The following CDKAL1 variants were observed in gnomAD, a reference collection of about 807,000 sequenced individuals.
CDKAL1 encodes the protein CDKAL1 threonylcarbamoyladenosine tRNA methylthiotransferase.
CDKAL1 carries 32 observed loss-of-function variants against 68.2 expected under a neutral mutation model. The observed-to-expected ratio is 0.47, with a 90% CI of 0.35 to 0.63. CDKAL1 has a LOEUF of 0.63. Ranked by LOEUF, CDKAL1 falls within the 30% of genes least tolerant of loss-of-function variation. The pLI, the probability that CDKAL1 is intolerant of heterozygous loss-of-function variation, is 0.00. For missense variants in CDKAL1, 606 were observed against 696.7 expected, an observed-to-expected ratio of 0.87 and a Z score of 1.47; for synonymous variants, 234 against 244.3, an observed-to-expected ratio of 0.96 and a Z score of 0.39.
At chr6:21,029,658 G>T (rs2150875166) in intron 11 of CDKAL1, among the ~76,000 whole-genome samples, 1 of 152,204 alleles carries the variant, frequency 6.6e-6, no homozygotes, top group African/African-American at 2.4e-5. Context: ...CCATCAGAAA[G>T]TGGGCGAAGG....
chr6:20,537,949 A>T (rs570549724), intron 2 of CDKAL1, among the ~76,000 whole-genome samples: 3 of 152,194 alleles, frequency 2.0e-5, no homozygotes, highest in Admixed American at 6.5e-5. Flanking sequence ...GATGAGTGAG[A>T]TTATTTAGGT....
intron 8 of CDKAL1, among the ~76,000 whole-genome samples, chr6:20,794,245 T>C (rs538106409): frequency 1.3e-5 from 2 of 152,256 alleles, no homozygotes; most frequent in East Asian, 3.9e-4. Flanking sequence ...TTTTTTGGTA[T>C]AGTAGGTGAG....
At chr6:20,935,421 G>A (rs1283461675) in intron 9 of CDKAL1, among the ~76,000 whole-genome samples, 1 of 149,792 alleles carries the variant, frequency 6.7e-6, no homozygotes, top group Non-Finnish European at 1.5e-5. Flanking sequence ...GTATGGTGTG[G>A]AAAATTAGAC....
intron 11 of CDKAL1, among the ~76,000 whole-genome samples, chr6:21,038,907 C>T (rs960144962): frequency 7.9e-5 from 12 of 152,214 alleles, no homozygotes; most frequent in African/African-American, 2.4e-4. Flanking sequence ...GTATATCTAA[C>T]GCTGATTTCA....
chr6:20,700,444 A>G (rs1415478473), intron 5 of CDKAL1, among the ~76,000 whole-genome samples: 1 of 152,202 alleles, frequency 6.6e-6, no homozygotes, highest in Non-Finnish European at 1.5e-5. Context: ...TTTGAAAAGG[A>G]GTACATTTAA....
chr6:20,747,000 C>T (rs1773691181), intron 6 of CDKAL1, among the ~76,000 whole-genome samples: 1 of 152,068 alleles, frequency 6.6e-6, no homozygotes, highest in African/African-American at 2.4e-5. Context: ...TTTTTCTCCC[C>T]CTCCCCACCC....
At chr6:21,036,624 G>A (rs889697450) in intron 11 of CDKAL1, among the ~76,000 whole-genome samples, 1 of 152,050 alleles carries the variant, frequency 6.6e-6, no homozygotes, top group African/African-American at 2.4e-5. Flanking sequence ...GTCTTTTTGT[G>A]TTTCACACGT....
In CDKAL1 at chr6:21,098,168, C is replaced by T. The variant is rs187536647; in HGVS notation, c.1237-10233C>T. Among the ~76,000 whole-genome samples, 226 of 152,134 alleles carry T rather than the reference C, an allele frequency of 1.5e-3. 1 individual carries two copies. The highest frequency in any genetic ancestry group is 6.8e-3 in the Middle Eastern group (2 of 294). ...TAATCACCTAAGTTTTAGAGCTCGG[C>T]GAATGGATTTTAGATATAAAGGATG... On this transcript the variant is annotated intron_variant, in intron 12 of 15. Coordinates refer to ENST00000274695, the MANE Select transcript of CDKAL1 (RefSeq NM_017774.3).
chr6:21,117,168 C>T (rs1484501582), intron 13 of CDKAL1, among the ~76,000 whole-genome samples: 4 of 152,080 alleles, frequency 2.6e-5, no homozygotes, highest in African/African-American at 9.7e-5. Flanking sequence ...CTTTCTTATC[C>T]CCATCCAGAG....
intron 10 of CDKAL1, chr6:20,993,541 T>G (rs1766950690): frequency 6.6e-6 from 1 of 152,220 alleles, no homozygotes. Flanking sequence ...CATTCCAATT[T>G]TAGTATATGT....
chr6:20,677,537 G>A (rs1332428182), intron 5 of CDKAL1, among the ~76,000 whole-genome samples: 4 of 152,062 alleles, frequency 2.6e-5, no homozygotes, highest in African/African-American at 9.7e-5. Flanking sequence ...TCCTGCGTCA[G>A]CCTCCCTAGT....
chr6:20,866,028 T>C (rs1414569357), intron 9 of CDKAL1, among the ~76,000 whole-genome samples: 3 of 152,206 alleles, frequency 2.0e-5, no homozygotes, highest in Admixed American at 6.5e-5. Context: ...GCAATTGTAT[T>C]TGTGATCTGC....
chr6:20,751,721 G>T (rs192910903), intron 6 of CDKAL1, among the ~76,000 whole-genome samples: 1 of 152,094 alleles, frequency 6.6e-6, no homozygotes, highest in Non-Finnish European at 1.5e-5. Context: ...TTTATGAATT[G>T]TTTATACACC....
intron 4 of CDKAL1, among the ~76,000 whole-genome samples, chr6:20,623,429 A>C (rs763184317): frequency 6.6e-6 from 1 of 152,108 alleles, no homozygotes; most frequent in Admixed American, 6.6e-5. Flanking sequence ...ATTTTGTAGC[A>C]CTTAAGTGAT....
intron 11 of CDKAL1, among the ~76,000 whole-genome samples, chr6:21,032,804 G>A (rs1018758593): frequency 2.6e-5 from 4 of 152,054 alleles, no homozygotes; most frequent in Non-Finnish European, 4.4e-5. Flanking sequence ...TGTGATGTTC[G>A]CACAACAGCA....
At chr6:20,703,524 T>C (rs944601779) in intron 5 of CDKAL1, among the ~76,000 whole-genome samples, 1 of 152,156 alleles carries the variant, frequency 6.6e-6, no homozygotes, top group Non-Finnish European at 1.5e-5. Context: ...TTGTGATTCA[T>C]TTAAAAAATA....
chr6:20,932,056 A>G (rs1216960126), intron 9 of CDKAL1, among the ~76,000 whole-genome samples: 1 of 152,186 alleles, frequency 6.6e-6, no homozygotes, highest in Non-Finnish European at 1.5e-5. Flanking sequence ...CCGTAGTGGT[A>G]AATCTATATA....
At chr6:20,657,660 T>A (rs928542020) in intron 5 of CDKAL1, among the ~76,000 whole-genome samples, 1 of 152,224 alleles carries the variant, frequency 6.6e-6, no homozygotes, top group African/African-American at 2.4e-5. Context: ...AATTGTGCAT[T>A]TGTGACATGA....
intron 13 of CDKAL1, among the ~76,000 whole-genome samples, chr6:21,184,101 A>C (rs887606847): frequency 6.6e-6 from 1 of 152,102 alleles, no homozygotes; most frequent in African/African-American, 2.4e-5. Flanking sequence ...ACAATAAGAT[A>C]CCAGATTCCA....
Sources: gnomAD v4.1 joint callset for allele counts (sites outside exome capture counted in the v4.1 genomes callset) on GRCh38, gnomAD v4.1.1 for gene constraint, MANE v1.5 for transcripts, NCBI Gene and HGNC (gene_info 2026-07-23, HGNC 2026-07-21) for gene names.